Variants in PCDHGA4 observed in about 807,000 individuals in gnomAD.
PCDHGA4 encodes the protein protocadherin gamma-A4.
PCDHGA4 carries 38 observed loss-of-function variants against 54.6 expected under a neutral mutation model. The observed-to-expected ratio is 0.70, with a 90% CI of 0.54 to 0.91. The LOEUF is 0.91. Ranked by LOEUF, PCDHGA4 falls within the 40% of genes least tolerant of loss-of-function variation. The pLI, the probability that PCDHGA4 is intolerant of heterozygous loss-of-function variation, is 0.00. For missense variants in PCDHGA4, 1,298 were observed against 1,220.9 expected (o/e 1.06, Z -0.94); for synonymous variants, 511 against 512.9 (o/e 1.00, Z 0.05).
chr5:141,501,292 C>CACAT (rs200296563), intron 2 of PCDHGA4, among the ~76,000 whole-genome samples: 14,029 of 50,334 alleles, frequency 0.28, 723 homozygotes, highest in Admixed American at 0.4. Flanking sequence ...TTCCCTTATA[C>CACAT]ACACACACAC....
At position 141,372,407 on chromosome 5, in the gene PCDHGA4, A is replaced by G. The variant is rs1190545508; in HGVS notation, c.2514+14786A>G. 3.7e-6 allele frequency: 6 copies of G among 1,613,948 alleles called. No individual in the cohort carries two copies. In the Admixed American group the frequency reaches 6.7e-5, roughly 18 times the overall value. On this transcript the variant is annotated intron_variant, in intron 1 of 3. Coordinates refer to ENST00000571252, the MANE Select transcript of PCDHGA4 (RefSeq NM_018917.4). ...TCTTCGCAGATAGCTTGCAAGAGATACAACCTGACCTTAGCGACCGCCCCA... is the reference window on the plus strand; with the variant it reads ...TCTTCGCAGATAGCTTGCAAGAGATGCAACCTGACCTTAGCGACCGCCCCA...
Position 141,490,563 on chromosome 5 carries a change from G to C in PCDHGA4, c.2515-4244G>C. On this transcript the variant is annotated intron_variant, in intron 1 of 3. Coordinates refer to ENST00000571252, the MANE Select transcript of PCDHGA4 (RefSeq NM_018917.4). This position sits in a 1 kb window ranked among gnomAD's most constrained non-coding sequence, Gnocchi z 5.4. ...CCCTACACAAACATCTCACCATCAG[G>C]CTCAACATTTCAGATGTCAATGACA... 1 of 1,614,022 alleles carries C rather than the reference G, an allele frequency of 6.2e-7. No individual in the cohort carries two copies. Among genetic ancestry groups the C allele is most frequent in the Non-Finnish European group, 8.5e-7 (1 of 1,180,008 alleles).
chr5:141,371,555 A>C, intron 1 of PCDHGA4: 1 of 1,613,862 alleles, frequency 6.2e-7, no homozygotes, highest in Non-Finnish European at 8.5e-7. Context: ...GCCAACTAAA[A>C]GGAAACTTCC....
chr5:141,451,134 T>A (rs567790185), intron 1 of PCDHGA4, among the ~76,000 whole-genome samples: 1 of 152,254 alleles, frequency 6.6e-6, no homozygotes, highest in South Asian at 2.1e-4. Context: ...AGCCTTATGA[T>A]TGTATTTAGA....
intron 1 of PCDHGA4, chr5:141,388,296 T>G: frequency 1.2e-6 from 2 of 1,613,704 alleles, no homozygotes; most frequent in Non-Finnish European, 1.7e-6. Flanking sequence ...GCAAAATTCC[T>G]TTGAGCTGCA....
At chr5:141,366,922 C>T in intron 1 of PCDHGA4, 1 of 1,046,460 alleles carries the variant, frequency 9.6e-7, no homozygotes, top group Non-Finnish European at 1.3e-6. Context: ...TTTTCAAATT[C>T]TGTTTTGGGA....
At chr5:141,361,471 A>C (rs748732304) in intron 1 of PCDHGA4, 2 of 1,613,988 alleles carry the variant, frequency 1.2e-6, no homozygotes, top group South Asian at 2.2e-5. Flanking sequence ...CTCCGACGTC[A>C]ACGATAATGC....
chr5:141,501,836 T>G (rs2099811283), intron 2 of PCDHGA4, among the ~76,000 whole-genome samples: 1 of 152,136 alleles, frequency 6.6e-6, no homozygotes, highest in Non-Finnish European at 1.5e-5. Context: ...CCCACCTGTT[T>G]GGCCCTCAAC....
chr5:141,361,065 G>C (rs1438252937), intron 1 of PCDHGA4: 1 of 1,613,774 alleles, frequency 6.2e-7, no homozygotes, highest in East Asian at 2.2e-5. Context: ...TGGATTTTGA[G>C]ATTGCAAGTA....
At chr5:141,423,936 G>A (rs2096792092) in intron 1 of PCDHGA4, 1 of 1,225,102 alleles carries the variant, frequency 8.2e-7, no homozygotes. Context: ...TTGGTTTGAA[G>A]TAAGTTGAAT....
In PCDHGA4 at chr5:141,388,120, C is replaced by G. The variant is rs945677635; in HGVS notation, c.2514+30499C>G. The G allele has an allele frequency of 2.8e-6, 4 of 1,422,500 alleles. No homozygotes were observed. The African/African-American group carries it at 5.8e-5, about 20-fold the overall frequency. 88.1% of individuals were successfully genotyped at this position (1,422,500 alleles called of 1,614,324 possible). On this transcript the variant is annotated intron_variant, in intron 1 of 3. Coordinates refer to ENST00000571252, the MANE Select transcript of PCDHGA4 (RefSeq NM_018917.4). ...GAGAAGCCTTACTTCACCGTGAGCG[C>G]AGAGAGCGGGGAGTTGCTTGTGAGC...
At chr5:141,392,818 C>A in intron 1 of PCDHGA4, 1 of 1,589,060 alleles carries the variant, frequency 6.3e-7, no homozygotes, top group Non-Finnish European at 8.6e-7. Flanking sequence ...ACAACAATGG[C>A]CGCTCCACAG....
At chr5:141,388,824 T>G (rs760173455) in intron 1 of PCDHGA4, 1 of 1,613,960 alleles carries the variant, frequency 6.2e-7, no homozygotes, top group East Asian at 2.2e-5. Flanking sequence ...CAAAGAATAT[T>G]CCATAGTTTT....
chr5:141,381,417 G>A (rs954058342), intron 1 of PCDHGA4, among the ~76,000 whole-genome samples: 1 of 152,214 alleles, frequency 6.6e-6, no homozygotes, highest in Admixed American at 6.5e-5. Context: ...GTGGAGAGAC[G>A]AGTACCTCTA....
chr5:141,376,034 C>T, intron 1 of PCDHGA4: 1 of 1,613,128 alleles, frequency 6.2e-7, no homozygotes, highest in South Asian at 1.1e-5. Context: ...GGACCACGGC[C>T]AGCCCCCTCT....
rs200524415 is a variant in PCDHGA4, at chr5:141,487,436, G to C, written c.2515-7371G>C. 1 of 1,614,176 alleles carries C rather than the reference G, an allele frequency of 6.2e-7. No individual in the cohort carries two copies. Among genetic ancestry groups the C allele is most frequent in the East Asian group, 2.2e-5 (1 of 44,870 alleles). ...CAATGGGATCCTCCGAATCCAGCTAGGGTCAGATGACCCTATCAAGTTTGT... is the reference window on the plus strand; with the variant it reads ...CAATGGGATCCTCCGAATCCAGCTACGGTCAGATGACCCTATCAAGTTTGT... On this transcript the variant is annotated intron_variant, in intron 1 of 3. Coordinates refer to ENST00000571252, the MANE Select transcript of PCDHGA4 (RefSeq NM_018917.4). This position sits in a 1 kb window ranked among gnomAD's most constrained non-coding sequence, Gnocchi z 5.0.
chr5:141,451,095 T>G (rs1158753327), intron 1 of PCDHGA4, among the ~76,000 whole-genome samples: 2 of 152,180 alleles, frequency 1.3e-5, no homozygotes, highest in African/African-American at 4.8e-5. Context: ...CCCAAAGTGT[T>G]GGGATTACAG....
chr5:141,395,114 C>T (rs2093175908), intron 1 of PCDHGA4: 2 of 1,614,070 alleles, frequency 1.2e-6, no homozygotes, highest in African/African-American at 1.3e-5. Context: ...GGAAGAGTCA[C>T]CTGATCTTTC....
In PCDHGA4 at chr5:141,357,368, G is replaced by T; in HGVS notation, c.2261G>T (p.Arg754Leu). 1 of 1,614,156 alleles carries T rather than the reference G, an allele frequency of 6.2e-7. No individual in the cohort carries two copies. The highest frequency in any genetic ancestry group is 8.5e-7 in the Non-Finnish European group (1 of 1,179,994). The change falls in exon 1 of 4, where the codon CGC becomes CTC. Residue 754 changes from arginine (R) to leucine (L), a missense_variant. Physicochemically the swap from Arg to Leu is moderately radical, Grantham distance 102. Coordinates refer to ENST00000571252, the MANE Select transcript of PCDHGA4 (RefSeq NM_018917.4). Reference protein sequence around the residue: ...ALKLRRWHKSRLLHAEGSRLA... With the variant: ...ALKLRRWHKSLLLHAEGSRLA... ...AAGCTGAGACGCTGGCACAAGTCAC[G>T]CCTGCTTCACGCTGAAGGCAGCAGG...
Sources: allele counts gnomAD v4.1 joint callset (sites outside exome capture counted in the v4.1 genomes callset), GRCh38; gene constraint gnomAD v4.1.1; non-coding constraint Gnocchi (gnomAD v3.1); transcripts MANE v1.5; gene names NCBI Gene and HGNC (gene_info 2026-07-23, HGNC 2026-07-21).